Variants in UBE2E2 observed in about 807,000 individuals in gnomAD.
The protein encoded by UBE2E2 is ubiquitin conjugating enzyme E2 E2, also known as ubiquitin-conjugating enzyme E2 E2.
UBE2E2 carries 6 observed loss-of-function variants against 24.7 expected under a neutral mutation model. That is an observed-to-expected ratio of 0.24 (90% CI 0.13 to 0.48). The LOEUF (loss-of-function observed/expected upper bound fraction) is 0.48, where lower values mean the gene tolerates loss of function less well. UBE2E2 is among the 20% of genes least tolerant of loss of function. UBE2E2 has a pLI of 0.99. For missense variants in UBE2E2, 169 were observed against 245.0 expected (o/e 0.69, Z 2.07); for synonymous variants, 104 against 83.6 (o/e 1.24, Z -1.33).
intron 1 of UBE2E2, among the ~76,000 whole-genome samples, chr3:23,203,705 C>T (rs1048561418): frequency 8.9e-5 from 12 of 134,276 alleles, no homozygotes; most frequent in East Asian, 5.1e-4. Flanking sequence ...CCTTCTGCCT[C>T]TTCTCTCCCT....
At chr3:23,227,685 GAAA>G (rs1417263166) in intron 3 of UBE2E2, among the ~76,000 whole-genome samples, 1 of 152,098 alleles carries the variant, frequency 6.6e-6, no homozygotes, top group Non-Finnish European at 1.5e-5. Context: ...AATAACATTG[GAAA>G]TGCGTGTACT....
chr3:23,253,724 T>C (rs1405996656), intron 3 of UBE2E2, among the ~76,000 whole-genome samples: 1 of 152,202 alleles, frequency 6.6e-6, no homozygotes, highest in Non-Finnish European at 1.5e-5. Flanking sequence ...TAAATTAGGA[T>C]TAGTCCATTC....
At chr3:23,408,545 T>C (rs1697422934) in intron 3 of UBE2E2, among the ~76,000 whole-genome samples, 1 of 152,202 alleles carries the variant, frequency 6.6e-6, no homozygotes, top group South Asian at 2.1e-4. Flanking sequence ...TTAAAGTATA[T>C]GACTCTGATG....
At chr3:23,526,503 G>T (rs1695002561) in intron 4 of UBE2E2, among the ~76,000 whole-genome samples, 1 of 152,190 alleles carries the variant, frequency 6.6e-6, no homozygotes, top group Non-Finnish European at 1.5e-5. Flanking sequence ...ATGCCAGGCA[G>T]TGCTTTGGAC....
At chr3:23,454,913 G>A (rs1211693535) in intron 3 of UBE2E2, among the ~76,000 whole-genome samples, 1 of 152,014 alleles carries the variant, frequency 6.6e-6, no homozygotes, top group South Asian at 2.1e-4. Flanking sequence ...TTTACCTTAC[G>A]TTTTGCAGTA....
chr3:23,493,722 G>C (rs1699546370), intron 3 of UBE2E2, among the ~76,000 whole-genome samples: 1 of 152,010 alleles, frequency 6.6e-6, no homozygotes, highest in Non-Finnish European at 1.5e-5. Context: ...CTAAAGTTCT[G>C]CTATATCTAA....
intron 3 of UBE2E2, among the ~76,000 whole-genome samples, chr3:23,477,893 G>T (rs1338509870): frequency 6.6e-6 from 1 of 152,148 alleles, no homozygotes; most frequent in Non-Finnish European, 1.5e-5. Flanking sequence ...AGATCTAATG[G>T]TTTTATAAGG....
At chr3:23,370,770 T>C (rs1381912900) in intron 3 of UBE2E2, among the ~76,000 whole-genome samples, 3 of 152,158 alleles carry the variant, frequency 2.0e-5, no homozygotes, top group Non-Finnish European at 4.4e-5. Flanking sequence ...AGAGGATATG[T>C]TGTGTTCTGT....
At chr3:23,409,786 T>C (rs771773036) in intron 3 of UBE2E2, among the ~76,000 whole-genome samples, 5 of 151,768 alleles carry the variant, frequency 3.3e-5, no homozygotes, top group African/African-American at 4.8e-5. Context: ...AAAAATCCTT[T>C]CTTGCCTCTT....
intron 4 of UBE2E2, among the ~76,000 whole-genome samples, chr3:23,517,991 AT>A (rs1447770660): frequency 1.3e-5 from 2 of 152,138 alleles, no homozygotes; most frequent in African/African-American, 4.8e-5. Context: ...TTTTCACACA[AT>A]TCTGAGTCAT....
chr3:23,379,810 G>C (rs1399501955), intron 3 of UBE2E2, among the ~76,000 whole-genome samples: 2 of 152,126 alleles, frequency 1.3e-5, no homozygotes, highest in Admixed American at 6.5e-5. Flanking sequence ...GGGCAGGTAA[G>C]CTCTAAGTAG....
At chr3:23,521,096 G>C (rs2125474860) in intron 4 of UBE2E2, among the ~76,000 whole-genome samples, 1 of 152,186 alleles carries the variant, frequency 6.6e-6, no homozygotes, top group Middle Eastern at 3.4e-3. Flanking sequence ...ATAAATAACT[G>C]ACCCTTCATA....
At chr3:23,203,630 C>T (rs1262202773) in intron 1 of UBE2E2, among the ~76,000 whole-genome samples, 166 bp downstream of exon 1, 1 of 147,362 alleles carries the variant, frequency 6.8e-6, no homozygotes, top group East Asian at 2.1e-4. Context: ...CCCTACGCCC[C>T]CTCCCGCGAG....
At position 23,583,225 on chromosome 3, in the gene UBE2E2, G is replaced by A. The variant is rs1051135691; in HGVS notation, c.509-6509G>A. Among the ~76,000 whole-genome samples the A allele has an allele frequency of 1.3e-5, 2 of 152,108 alleles. No homozygotes were observed. The highest frequency in any genetic ancestry group is 4.8e-5 in the African/African-American group (2 of 41,412). ...GCTTATTTTTGTCAGCTTTGTCAAA[G>A]ATCAGATGGTCGTAAATATGTGGCA... On this transcript the variant is annotated intron_variant, in intron 5 of 5. Coordinates refer to ENST00000396703, the MANE Select transcript of UBE2E2 (RefSeq NM_152653.4). This position sits in a 1 kb window ranked among gnomAD's most constrained non-coding sequence, Gnocchi z 4.1.
intron 3 of UBE2E2, among the ~76,000 whole-genome samples, chr3:23,275,877 C>T (rs34275104): frequency 0.039 from 5,872 of 151,860 alleles, 172 homozygotes; most frequent in Non-Finnish European, 0.065. Context: ...CAGCAGATCC[C>T]GATTCATTAA....
intron 3 of UBE2E2, among the ~76,000 whole-genome samples, chr3:23,404,651 A>G (rs757493893): frequency 7.2e-5 from 11 of 152,204 alleles, no homozygotes; most frequent in Non-Finnish European, 1.5e-4. Flanking sequence ...TAGCAACACA[A>G]AGTACCTTCT....
At chr3:23,494,103 G>T (rs943775418) in intron 3 of UBE2E2, among the ~76,000 whole-genome samples, 1 of 152,172 alleles carries the variant, frequency 6.6e-6, no homozygotes, top group Non-Finnish European at 1.5e-5. Context: ...GCCTGTTTAT[G>T]TTCTTCATCA....
chr3:23,443,229 A>ATATC (rs1379895824), intron 3 of UBE2E2, among the ~76,000 whole-genome samples: 2 of 152,154 alleles, frequency 1.3e-5, no homozygotes, highest in African/African-American at 4.8e-5. Context: ...ATGACCTCAA[A>ATATC]TATCATAAAG....
intron 3 of UBE2E2, among the ~76,000 whole-genome samples, chr3:23,352,290 C>G (rs1241801093): frequency 6.6e-6 from 1 of 151,584 alleles, no homozygotes; most frequent in East Asian, 1.9e-4. Context: ...AGGAAAGATC[C>G]AAAATTGACA....
Sources: gnomAD v4.1 joint callset for allele counts (sites outside exome capture counted in the v4.1 genomes callset) on GRCh38, gnomAD v4.1.1 for gene constraint, Gnocchi (gnomAD v3.1) non-coding constraint, MANE v1.5 for transcripts, NCBI Gene and HGNC (gene_info 2026-07-23, HGNC 2026-07-21) for gene names.